The following MAGI1 variants were observed in gnomAD, a reference collection of about 807,000 sequenced individuals.
The protein encoded by MAGI1 is membrane associated guanylate kinase, WW and PDZ domain containing 1.
MAGI1 carries 58 observed loss-of-function variants against 139.9 expected under a neutral mutation model. That is an observed-to-expected ratio of 0.41 (90% confidence interval 0.34 to 0.52). The LOEUF is 0.52. MAGI1 is among the 20% of genes least tolerant of loss of function. The probability of loss-of-function intolerance (pLI) is 0.12; values close to 1 mark genes in which losing one functional copy is unlikely to be tolerated. For missense variants in MAGI1, 1,874 were observed against 1,901.6 expected (o/e 0.99, Z 0.27); for synonymous variants, 812 against 737.9 (o/e 1.10, Z -1.63).
intron 1 of MAGI1, among the ~76,000 whole-genome samples, chr3:65,711,749 T>C (rs957973579): frequency 3.9e-5 from 6 of 151,988 alleles, no homozygotes; most frequent in Non-Finnish European, 8.8e-5. Flanking sequence ...ACAGCAGGAG[T>C]CTGGCAGCCA....
intron 1 of MAGI1, among the ~76,000 whole-genome samples, chr3:65,840,048 A>G (rs750682429): frequency 5.3e-5 from 8 of 152,148 alleles, no homozygotes; most frequent in Non-Finnish European, 1.2e-4. Context: ...TTTTAAACTC[A>G]GTATCCATGT....
intron 1 of MAGI1, among the ~76,000 whole-genome samples, chr3:65,857,924 G>A (rs2059423512): frequency 6.6e-6 from 1 of 152,082 alleles, no homozygotes. Context: ...ATTAGGCAGG[G>A]ATTCATGAAA....
intron 2 of MAGI1, among the ~76,000 whole-genome samples, chr3:65,619,245 T>A (rs1384323975): frequency 6.6e-6 from 1 of 152,198 alleles, no homozygotes; most frequent in Non-Finnish European, 1.5e-5. Flanking sequence ...TGTTGCTTCA[T>A]CTTTTGGCCA....
At chr3:65,527,307 C>T (rs1263083175) in intron 2 of MAGI1, among the ~76,000 whole-genome samples, 2 of 152,160 alleles carry the variant, frequency 1.3e-5, no homozygotes, top group East Asian at 1.9e-4. Context: ...GGGCTGGGTA[C>T]GGTGGCTCAT....
At chr3:65,892,246 T>C (rs185466354) in intron 1 of MAGI1, among the ~76,000 whole-genome samples, 509 of 152,162 alleles carry the variant, frequency 3.3e-3, no homozygotes, top group Middle Eastern at 0.014. Flanking sequence ...TTAATTATGT[T>C]ACAGAAAAAG....
At chr3:65,983,458 T>C (rs1262424513) in intron 1 of MAGI1, among the ~76,000 whole-genome samples, 2 of 152,234 alleles carry the variant, frequency 1.3e-5, no homozygotes, top group African/African-American at 4.8e-5. Context: ...TTTTCTGTCT[T>C]TTAAAATTCA....
chr3:65,558,588 C>G (rs1289979956), intron 2 of MAGI1, among the ~76,000 whole-genome samples: 2 of 152,182 alleles, frequency 1.3e-5, no homozygotes, highest in Non-Finnish European at 2.9e-5. Context: ...TATTATGGTA[C>G]AGAAAAGCTA....
At chr3:65,699,800 C>T (rs1176852039) in intron 1 of MAGI1, among the ~76,000 whole-genome samples, 5 of 149,768 alleles carry the variant, frequency 3.3e-5, no homozygotes, top group Admixed American at 2.7e-4. Context: ...GTGGGTGCAA[C>T]ACACCAGCAT....
intron 1 of MAGI1, among the ~76,000 whole-genome samples, chr3:65,903,542 C>T (rs534374261): frequency 7.9e-5 from 12 of 152,260 alleles, no homozygotes; most frequent in Admixed American, 2.6e-4. Flanking sequence ...CACACACATA[C>T]GCACATACAC....
At chr3:65,584,391 C>T (rs1175732300) in intron 2 of MAGI1, among the ~76,000 whole-genome samples, 1 of 152,148 alleles carries the variant, frequency 6.6e-6, no homozygotes, top group Non-Finnish European at 1.5e-5. Flanking sequence ...CTACAACATA[C>T]CCACTATCCT....
At chr3:65,848,287 C>A (rs898558707) in intron 1 of MAGI1, among the ~76,000 whole-genome samples, 2 of 152,126 alleles carry the variant, frequency 1.3e-5, no homozygotes, top group Admixed American at 6.5e-5. Flanking sequence ...ATTAAAGTGG[C>A]GAGCTAAGTG....
chr3:65,825,364 C>A (rs1017314019), intron 1 of MAGI1, among the ~76,000 whole-genome samples: 1 of 152,160 alleles, frequency 6.6e-6, no homozygotes, highest in Non-Finnish European at 1.5e-5. Context: ...AGTGGTTGTG[C>A]TGAAGCTGGC....
intron 1 of MAGI1, among the ~76,000 whole-genome samples, chr3:66,028,712 G>A (rs576885525): frequency 1.2e-4 from 19 of 152,184 alleles, no homozygotes; most frequent in Admixed American, 1.0e-3. Context: ...ATTCCTCACC[G>A]AGGACAATGT....
At chr3:65,805,383 A>G (rs113416706) in intron 1 of MAGI1, among the ~76,000 whole-genome samples, 4,409 of 152,342 alleles carry the variant, frequency 0.029, 87 homozygotes, top group African/African-American at 0.044. Context: ...CAAAACCACA[A>G]TGAAATACCA....
At chr3:65,526,850 C>T (rs2078406423) in intron 2 of MAGI1, among the ~76,000 whole-genome samples, 1 of 152,130 alleles carries the variant, frequency 6.6e-6, no homozygotes, top group Admixed American at 6.5e-5. Context: ...TCATCCAACC[C>T]ACAGCTGTTA....
At position 65,891,470 on chromosome 3, in the gene MAGI1, T is replaced by C. The variant is rs2060743763; in HGVS notation, c.313+146526A>G. Among the ~76,000 whole-genome samples, 3 of 152,130 alleles carry C rather than the reference T, an allele frequency of 2.0e-5. No homozygotes were observed. The South Asian group carries it at 6.2e-4, about 32-fold the overall frequency. On this transcript the variant is annotated intron_variant, in intron 1 of 22. Transcript: ENST00000402939. ...TTAAAGCACAACGGGAAGAGAAGCC[T>C]GGGCTGCTAGCACAATAAGCCCCAA...
intron 5 of MAGI1, among the ~76,000 whole-genome samples, chr3:65,460,751 A>T (rs1174310597): frequency 1.3e-5 from 2 of 152,008 alleles, no homozygotes; most frequent in South Asian, 2.1e-4. Context: ...CCCTGTGCCC[A>T]TATGTCCTCA....
intron 1 of MAGI1, among the ~76,000 whole-genome samples, chr3:65,846,845 A>C (rs774007924): frequency 1.3e-5 from 2 of 152,054 alleles, no homozygotes; most frequent in South Asian, 2.1e-4. Flanking sequence ...CATTAAATAC[A>C]TATTTGAAAG....
At chr3:65,959,026 T>C (rs1319498543) in intron 1 of MAGI1, among the ~76,000 whole-genome samples, 2 of 151,712 alleles carry the variant, frequency 1.3e-5, no homozygotes, top group East Asian at 3.9e-4. Flanking sequence ...TTTTGCCCCT[T>C]GTCCAGAGTA....
Sources: allele counts gnomAD v4.1 joint callset (sites outside exome capture counted in the v4.1 genomes callset), GRCh38; gene constraint gnomAD v4.1.1; transcripts MANE v1.5; gene names NCBI Gene and HGNC (gene_info 2026-07-23, HGNC 2026-07-21).